Variants in RBFOX1 observed in about 807,000 individuals in gnomAD.
RBFOX1 encodes RNA binding protein fox-1 homolog 1.
Under a neutral mutation model 57.7 loss-of-function variants are expected in RBFOX1, and 8 were observed. The ratio of observed to expected loss-of-function variants is 0.14; its 90% confidence interval spans 0.08 to 0.25. RBFOX1 has a LOEUF of 0.25. Ranked by LOEUF, RBFOX1 falls within the 10% of genes least tolerant of loss-of-function variation. RBFOX1 has a pLI of 1.00. For missense variants in RBFOX1, 611 were observed against 548.5 expected (o/e 1.11, Z -1.14); for synonymous variants, 326 against 222.4 (o/e 1.47, Z -4.15).
At chr16:6,338,429 G>T (rs761465307) in intron 2 of RBFOX1, among the ~76,000 whole-genome samples, 4 of 152,134 alleles carry the variant, frequency 2.6e-5, no homozygotes, top group Non-Finnish European at 5.9e-5. Flanking sequence ...AAAAACTCTG[G>T]GCGTGTGCCT....
intron 3 of RBFOX1, among the ~76,000 whole-genome samples, chr16:6,751,252 T>G (rs912941338): frequency 1.3e-5 from 2 of 152,148 alleles, no homozygotes; most frequent in South Asian, 4.1e-4. Context: ...TTGTTTTTAT[T>G]GACTCTAGAA....
chr16:6,192,405 T>G (rs1400828252), intron 1 of RBFOX1, among the ~76,000 whole-genome samples: 1 of 152,068 alleles, frequency 6.6e-6, no homozygotes, highest in Non-Finnish European at 1.5e-5. Flanking sequence ...TCTAGTTTTG[T>G]CTCTTCTTAC....
intron 2 of RBFOX1, among the ~76,000 whole-genome samples, chr16:6,595,612 T>C (rs2097769550): frequency 6.6e-6 from 1 of 152,228 alleles, no homozygotes; most frequent in Non-Finnish European, 1.5e-5. Flanking sequence ...ACTCTATTTT[T>C]AACATTTTGA....
intron 4 of RBFOX1, among the ~76,000 whole-genome samples, chr16:7,389,990 C>G (rs962089158): frequency 1.8e-4 from 28 of 152,088 alleles, no homozygotes; most frequent in African/African-American, 6.5e-4. Context: ...GTGGGTTGTA[C>G]AGGCTCTGCT....
At chr16:5,982,157 A>G (rs912563055) in intron 4 of RBFOX1, among the ~76,000 whole-genome samples, 5 of 152,122 alleles carry the variant, frequency 3.3e-5, no homozygotes, top group Admixed American at 2.6e-4. Context: ...TGACCCTCTG[A>G]CTGCATCTCA....
chr16:6,862,543 C>T (rs570341244), intron 3 of RBFOX1, among the ~76,000 whole-genome samples: 1 of 152,314 alleles, frequency 6.6e-6, no homozygotes, highest in Admixed American at 6.5e-5. Context: ...GATACTTAAC[C>T]AGCATCTTGA....
At chr16:5,673,865 G>A (rs1265993267) in intron 3 of RBFOX1, among the ~76,000 whole-genome samples, 1 of 152,150 alleles carries the variant, frequency 6.6e-6, no homozygotes, top group Non-Finnish European at 1.5e-5. Flanking sequence ...TTAGCATTTT[G>A]CCTGCATCAT....
intron 4 of RBFOX1, among the ~76,000 whole-genome samples, chr16:7,346,711 C>T (rs1171835553): frequency 6.6e-6 from 1 of 152,082 alleles, no homozygotes; most frequent in African/African-American, 2.4e-5. Context: ...TACCTCTTAT[C>T]TCTGATCAAT....
At chr16:5,254,166 G>C (rs1469817545) in intron 1 of RBFOX1, among the ~76,000 whole-genome samples, 1 of 152,232 alleles carries the variant, frequency 6.6e-6, no homozygotes, top group East Asian at 1.9e-4. Flanking sequence ...TTACAGATGA[G>C]AAAGTTGAGG....
intron 2 of RBFOX1, among the ~76,000 whole-genome samples, chr16:5,593,579 C>T (rs1393244629): frequency 6.6e-6 from 1 of 152,110 alleles, no homozygotes; most frequent in African/African-American, 2.4e-5. Context: ...TGAGAGTGAC[C>T]TCTGGTCGTC....
intron 3 of RBFOX1, among the ~76,000 whole-genome samples, chr16:5,632,153 A>C (rs2048531138): frequency 6.6e-6 from 1 of 152,238 alleles, no homozygotes; most frequent in South Asian, 2.1e-4. Context: ...CAGGTAAGCT[A>C]CTTCATATGG....
At chr16:7,585,822 G>A (rs1226373969) in intron 6 of RBFOX1, among the ~76,000 whole-genome samples, 1 of 152,124 alleles carries the variant, frequency 6.6e-6, no homozygotes, top group Non-Finnish European at 1.5e-5. Flanking sequence ...TTCACTCTCT[G>A]TGTCTCTGGA....
chr16:6,486,628 TGAG>T (rs75323596), intron 2 of RBFOX1, among the ~76,000 whole-genome samples: 7 of 151,442 alleles, frequency 4.6e-5, no homozygotes, highest in African/African-American at 9.7e-5. Flanking sequence ...TAAAAAGAAA[TGAG>T]GAAAAAGCTT....
chr16:7,077,129 C>T (rs1268579878), intron 4 of RBFOX1, among the ~76,000 whole-genome samples: 1 of 152,136 alleles, frequency 6.6e-6, no homozygotes, highest in Non-Finnish European at 1.5e-5. Context: ...CTCTTCAAGG[C>T]CTGTGGAGTT....
At chr16:5,909,236 G>A (rs1219191122) in intron 4 of RBFOX1, among the ~76,000 whole-genome samples, 1 of 151,496 alleles carries the variant, frequency 6.6e-6, no homozygotes, top group Non-Finnish European at 1.5e-5. Context: ...GGGACTACAG[G>A]CACCCACCAC....
At chr16:7,447,324 T>C (rs2098816645) in intron 4 of RBFOX1, among the ~76,000 whole-genome samples, 1 of 151,040 alleles carries the variant, frequency 6.6e-6, no homozygotes, top group East Asian at 2.0e-4. Flanking sequence ...TCCTAGCTAC[T>C]TGGGAGGCTG....
At chr16:7,077,456 G>A (rs745977893) in intron 4 of RBFOX1, among the ~76,000 whole-genome samples, 2 of 152,086 alleles carry the variant, frequency 1.3e-5, no homozygotes, top group Non-Finnish European at 1.5e-5. Context: ...TCTCAAAGAC[G>A]AACTAATCTG....
intron 3 of RBFOX1, among the ~76,000 whole-genome samples, chr16:5,620,049 C>T (rs928081085): frequency 4.6e-5 from 7 of 151,620 alleles, no homozygotes; most frequent in African/African-American, 1.7e-4. Flanking sequence ...CTCATGACAC[C>T]TTCTGGGTTG....
intron 4 of RBFOX1, among the ~76,000 whole-genome samples, chr16:7,256,140 T>C (rs2094671748): frequency 2.0e-5 from 3 of 152,228 alleles, no homozygotes; most frequent in South Asian, 2.1e-4. Context: ...TAAAAATAAA[T>C]ACATAGAATG....
Sources: gnomAD v4.1 joint callset for allele counts (sites outside exome capture counted in the v4.1 genomes callset) on GRCh38, gnomAD v4.1.1 for gene constraint, MANE v1.5 for transcripts, NCBI Gene and HGNC (gene_info 2026-07-23, HGNC 2026-07-21) for gene names.